The following CAPN13 variants were observed in gnomAD, a reference collection of about 807,000 sequenced individuals.
The protein encoded by CAPN13 is calpain 13.
Under a neutral mutation model 98.4 loss-of-function variants are expected in CAPN13, and 90 were observed. The observed-to-expected ratio is 0.92, with a 90% confidence interval of 0.77 to 1.09. CAPN13 has a LOEUF of 1.09. CAPN13 is among the 50% of genes least tolerant of loss of function. The pLI, the probability that CAPN13 is intolerant of heterozygous loss-of-function variation, is 0.00. For missense variants in CAPN13, 887 were observed against 841.3 expected (o/e 1.05, Z -0.67); for synonymous variants, 330 against 305.5 (o/e 1.08, Z -0.84).
chr2:30,733,855 G>C (rs7607943), intron 19 of CAPN13, among the ~76,000 whole-genome samples: 3 of 152,262 alleles, frequency 2.0e-5, no homozygotes, highest in East Asian at 3.9e-4. Flanking sequence ...TTCCCCATTG[G>C]GACAGTAGAG....
intron 6 of CAPN13, among the ~76,000 whole-genome samples, chr2:30,763,613 T>G (rs1179948341): frequency 2.0e-5 from 3 of 152,228 alleles, no homozygotes; most frequent in African/African-American, 7.2e-5. Flanking sequence ...TCCCCATGGA[T>G]AGAAACCAGA....
At chr2:30,806,863 T>G (rs553072946) in intron 1 of CAPN13, among the ~76,000 whole-genome samples, 1 of 152,160 alleles carries the variant, frequency 6.6e-6, no homozygotes, top group South Asian at 2.1e-4. Context: ...AGGGCCCAGG[T>G]CCCATTCTTC....
chr2:30,783,128 T>C (rs1674078380), intron 2 of CAPN13, among the ~76,000 whole-genome samples: 1 of 152,148 alleles, frequency 6.6e-6, no homozygotes, highest in South Asian at 2.1e-4. Context: ...GCATGTAAAG[T>C]GCTTAGCATA....
chr2:30,767,354 A>T (rs1673164401), intron 5 of CAPN13, among the ~76,000 whole-genome samples: 1 of 152,140 alleles, frequency 6.6e-6, no homozygotes, highest in African/African-American at 2.4e-5. Context: ...TCCTCTGCAG[A>T]TTTCTTTAAG....
intron 1 of CAPN13, among the ~76,000 whole-genome samples, chr2:30,800,116 A>AAAAAAAG: frequency 1.2e-5 from 1 of 85,658 alleles, no homozygotes; most frequent in East Asian, 3.9e-4. Flanking sequence ...GAAAAGAAAG[A>AAAAAAAG]AAAGAAAGAA....
chr2:30,736,955 C>A (rs191748068), intron 17 of CAPN13, among the ~76,000 whole-genome samples: 2 of 152,234 alleles, frequency 1.3e-5, no homozygotes, highest in East Asian at 3.9e-4. Context: ...TAGAGTCCTG[C>A]GTGCACAAGT....
At chr2:30,750,879 G>T (rs944024758) in intron 11 of CAPN13, among the ~76,000 whole-genome samples, 1 of 152,196 alleles carries the variant, frequency 6.6e-6, no homozygotes, top group African/African-American at 2.4e-5. Context: ...CAGGCGACAC[G>T]GGCAGGAGGT....
At chr2:30,786,919 C>T (rs1037772567) in intron 2 of CAPN13, among the ~76,000 whole-genome samples, 1 of 152,182 alleles carries the variant, frequency 6.6e-6, no homozygotes, top group African/African-American at 2.4e-5. Context: ...AGTGTTAGAA[C>T]TGGGTTAGAA....
chr2:30,770,271 G>A, intron 5 of CAPN13, 42 bp downstream of exon 5: 2 of 1,605,268 alleles, frequency 1.2e-6, no homozygotes, highest in Non-Finnish European at 1.7e-6. Context: ...GGCAGGACCA[G>A]CACTGAAACT....
At position 30,736,751 on chromosome 2, in the gene CAPN13, G is replaced by A. The variant is rs1013791018; in HGVS notation, c.1654-180C>T. The A allele has an allele frequency of 3.7e-5, 22 of 594,522 alleles. No homozygotes were observed. The African/African-American group carries it at 3.7e-4, about 10-fold the overall frequency. The allele number at this position is 594,522 out of a possible 1,614,324, so 36.8% of individuals were successfully genotyped here. On this transcript the variant is annotated intron_variant, in intron 17 of 22. Transcript: ENST00000295055. ...TCTGAAAGGGACCTGGCTTAGATTT[G>A]TTTTACAAAGAAAAATGGGCAATTG...
chr2:30,737,969 A>G (rs1671458699), intron 17 of CAPN13: 2 of 47,236 alleles, frequency 4.2e-5, no homozygotes, highest in Non-Finnish European at 1.3e-4. Context: ...TTATAAGGAC[A>G]CACACACACA....
At chr2:30,741,814 C>T (rs767175104) in intron 15 of CAPN13, 94 bp downstream of exon 15, 48 of 1,597,112 alleles carry the variant, frequency 3.0e-5, no homozygotes, top group Non-Finnish European at 3.9e-5. Flanking sequence ...CACTTCTCCT[C>T]TCTGCATCCC....
intron 18 of CAPN13, among the ~76,000 whole-genome samples, chr2:30,736,027 G>A (rs1421053144): frequency 2.0e-5 from 3 of 152,096 alleles, no homozygotes; most frequent in Non-Finnish European, 4.4e-5. Context: ...GAGTGGAAAG[G>A]GCTTCTCCTG....
At chr2:30,730,061 T>A (rs1217421621) in intron 22 of CAPN13, among the ~76,000 whole-genome samples, 1 of 152,208 alleles carries the variant, frequency 6.6e-6, no homozygotes, top group South Asian at 2.1e-4. Flanking sequence ...TGCCTCTAGC[T>A]AAGGAATACC....
intron 22 of CAPN13, among the ~76,000 whole-genome samples, chr2:30,728,691 G>A (rs1156494276): frequency 6.6e-6 from 1 of 152,176 alleles, no homozygotes; most frequent in East Asian, 1.9e-4. Context: ...GTGAGCAATG[G>A]GAGGACATTG....
intron 15 of CAPN13, among the ~76,000 whole-genome samples, chr2:30,740,279 G>T (rs71444468): frequency 6.6e-6 from 1 of 151,992 alleles, no homozygotes; most frequent in South Asian, 2.1e-4. Context: ...GTTTTTAGTA[G>T]AGATGGGGTT....
intron 19 of CAPN13, among the ~76,000 whole-genome samples, chr2:30,733,224 A>G (rs12052219): frequency 0.22 from 33,023 of 152,068 alleles, 4,143 homozygotes; most frequent in East Asian, 0.32. Context: ...ACCATCCATC[A>G]TGGGGACAAG....
intron 1 of CAPN13, among the ~76,000 whole-genome samples, chr2:30,797,242 C>G (rs1572886490): frequency 6.6e-6 from 1 of 152,252 alleles, no homozygotes; most frequent in East Asian, 1.9e-4. Context: ...GATATTTAAC[C>G]ACCTCTGGCC....
intron 1 of CAPN13, among the ~76,000 whole-genome samples, chr2:30,797,116 G>T (rs145319990): frequency 6.6e-6 from 1 of 152,284 alleles, no homozygotes; most frequent in Non-Finnish European, 1.5e-5. Context: ...CCTGGTCAGA[G>T]ATCTAGAGAG....
Sources: gnomAD v4.1 joint callset for allele counts (sites outside exome capture counted in the v4.1 genomes callset) on GRCh38, gnomAD v4.1.1 for gene constraint, MANE v1.5 for transcripts, NCBI Gene and HGNC (gene_info 2026-07-23, HGNC 2026-07-21) for gene names.